Variants in ZNF385D observed in about 807,000 individuals in gnomAD.
The protein encoded by ZNF385D is zinc finger protein 385D.
ZNF385D carries 15 observed loss-of-function variants against 35.8 expected under a neutral mutation model. The ratio of observed to expected loss-of-function variants is 0.42; its 90% CI spans 0.28 to 0.64. The LOEUF (loss-of-function observed/expected upper bound fraction) is 0.64, where lower values mean the gene tolerates loss of function less well. Among genes scored for constraint, ZNF385D ranks in the 30% least tolerant of loss-of-function variants. The pLI, the probability that ZNF385D is intolerant of heterozygous loss-of-function variation, is 0.23. For synonymous variants in ZNF385D, 212 were observed against 186.8 expected (o/e 1.13, Z -1.10); for missense variants, 474 against 494.6 (o/e 0.96, Z 0.39).
intron 3 of ZNF385D, among the ~76,000 whole-genome samples, chr3:21,978,565 C>T (rs957129216): frequency 3.9e-5 from 6 of 152,148 alleles, no homozygotes; most frequent in Non-Finnish European, 5.9e-5. Context: ...CTGAGACATA[C>T]GTTTGTAATC....
intron 2 of ZNF385D, among the ~76,000 whole-genome samples, chr3:22,267,633 T>C (rs575734346): frequency 6.6e-6 from 1 of 152,066 alleles, no homozygotes; most frequent in South Asian, 2.1e-4. Context: ...AACACCATTA[T>C]TTTAATTTTA....
At position 22,242,338 on chromosome 3, in the gene ZNF385D, A is replaced by G. The variant is rs1559474095; in HGVS notation, c.107-73303T>C. Among the ~76,000 whole-genome samples the G allele has an allele frequency of 2.0e-5, 3 of 151,204 alleles. No individual in the cohort carries two copies. The South Asian group carries it at 6.5e-4, about 33-fold the overall frequency. ...ACCATAACAATTTATTCTGCATTGA[A>G]GAGAGTGCTTCTCACTTATCAAAAC... On this transcript the variant is annotated intron_variant, in intron 2 of 5. Coordinates refer to the ZNF385D transcript ENST00000494108.
chr3:21,461,272 C>A (rs1703154710), intron 4 of ZNF385D, among the ~76,000 whole-genome samples: 2 of 152,124 alleles, frequency 1.3e-5, no homozygotes, highest in Admixed American at 6.5e-5. Flanking sequence ...CTCTTTGAGG[C>A]CTGGCACAGT....
chr3:21,539,845 C>G lies in ZNF385D; in HGVS notation c.276+24729G>C, dbSNP rs1031530351. Among the ~76,000 whole-genome samples, 1 of 151,998 alleles carries G rather than the reference C, an allele frequency of 6.6e-6. No homozygotes were observed. The highest frequency in any genetic ancestry group is 6.6e-5 in the Admixed American group (1 of 15,266). ...AAATAAGAAATATTTTTACTACAAA[C>G]ACAGCATAAGAGTAATGCTGATTTT... On this transcript the variant is annotated intron_variant, in intron 3 of 7. Transcript: ENST00000281523. This position sits in a 1 kb window ranked among gnomAD's most constrained non-coding sequence, Gnocchi z 4.0.
chr3:22,111,168 T>G lies in ZNF385D; in HGVS notation c.325+57649A>C, dbSNP rs538156291. Among the ~76,000 whole-genome samples the G allele has an allele frequency of 3.9e-3, 479 of 122,254 alleles. 1 individual carries two copies. Among genetic ancestry groups the G allele is most frequent in the East Asian group, 0.013 (60 of 4,580 alleles). The allele number at this position is 122,254 out of a possible 152,430, so 80.2% of individuals were successfully genotyped here. On this transcript the variant is annotated intron_variant, in intron 3 of 5. Coordinates refer to the ZNF385D transcript ENST00000494108. ...CCATGTTGGATTTTTTTTTTTTTTT[T>G]TTTTTTTTGTTTTTTTTGTACTCTC...
At chr3:21,552,544 C>T (rs1309975874) in intron 3 of ZNF385D, among the ~76,000 whole-genome samples, 1 of 152,080 alleles carries the variant, frequency 6.6e-6, no homozygotes, top group African/African-American at 2.4e-5. Flanking sequence ...AACATTAGAT[C>T]TTCTATTGAA....
At chr3:22,271,679 C>T (rs145197198) in intron 2 of ZNF385D, among the ~76,000 whole-genome samples, 1 of 151,848 alleles carries the variant, frequency 6.6e-6, no homozygotes, top group South Asian at 2.1e-4. Flanking sequence ...GCTTAAAAAA[C>T]TCCCCCCACC....
chr3:22,125,351 T>A (rs1291183551), intron 3 of ZNF385D, among the ~76,000 whole-genome samples: 1 of 152,102 alleles, frequency 6.6e-6, no homozygotes, highest in African/African-American at 2.4e-5. Flanking sequence ...GGTATGTGAT[T>A]CCTTCAGTTT....
At chr3:21,855,700 T>C (rs955137042) in intron 3 of ZNF385D, among the ~76,000 whole-genome samples, 2 of 152,002 alleles carry the variant, frequency 1.3e-5, no homozygotes, top group African/African-American at 4.8e-5. Context: ...TAACTGTTTG[T>C]GCTAAAAGGT....
chr3:21,751,381 A>ACG, upstream of ZNF385D: 1 of 1,019,414 alleles, frequency 9.8e-7, no homozygotes, highest in Non-Finnish European at 1.2e-6. Flanking sequence ...GCTCTCTTAA[A>ACG]GCGAGAAGAG....
intron 3 of ZNF385D, among the ~76,000 whole-genome samples, chr3:22,145,927 A>C (rs184416077): frequency 6.6e-6 from 1 of 152,208 alleles, no homozygotes; most frequent in African/African-American, 2.4e-5. Flanking sequence ...TTCCCAATAA[A>C]ACAGCAATGG....
intron 1 of ZNF385D, among the ~76,000 whole-genome samples, chr3:21,716,221 C>T (rs1408929107): frequency 7.2e-5 from 11 of 151,994 alleles, no homozygotes; most frequent in Non-Finnish European, 2.9e-5. Context: ...TTGTTTCTTC[C>T]CTTGTCCATA....
chr3:21,615,860 G>C (rs1203351317), intron 2 of ZNF385D, among the ~76,000 whole-genome samples: 1 of 150,940 alleles, frequency 6.6e-6, no homozygotes, highest in African/African-American at 2.4e-5. Flanking sequence ...CCATTATTCA[G>C]TGAACGAGGG....
At chr3:21,665,983 A>G (rs1307823697) in intron 1 of ZNF385D, among the ~76,000 whole-genome samples, 2 of 152,238 alleles carry the variant, frequency 1.3e-5, no homozygotes, top group Non-Finnish European at 2.9e-5. Flanking sequence ...CCTGCTGGTG[A>G]GAATCCAACA....
intron 3 of ZNF385D, among the ~76,000 whole-genome samples, chr3:21,835,720 GA>G (rs1434924856): frequency 1.3e-5 from 2 of 151,998 alleles, no homozygotes; most frequent in African/African-American, 2.4e-5. Context: ...TTGTTATGGG[GA>G]AAGATGATAC....
intron 3 of ZNF385D, among the ~76,000 whole-genome samples, chr3:22,007,894 G>C (rs936296655): frequency 6.6e-6 from 1 of 151,182 alleles, no homozygotes; most frequent in Non-Finnish European, 1.5e-5. Flanking sequence ...TTCGTATGTA[G>C]TAAAATTTAT....
chr3:22,033,400 C>T (rs1055561344), intron 3 of ZNF385D, among the ~76,000 whole-genome samples: 4 of 58,998 alleles, frequency 6.8e-5, no homozygotes, highest in Non-Finnish European at 1.3e-4. Flanking sequence ...AGGCTGGCTC[C>T]AAAATAATAA....
At chr3:22,264,441 A>T (rs1360728462) in intron 2 of ZNF385D, among the ~76,000 whole-genome samples, 2 of 152,004 alleles carry the variant, frequency 1.3e-5, no homozygotes, top group Non-Finnish European at 2.9e-5. Flanking sequence ...AAGACTAGGG[A>T]TCTGAATCTA....
chr3:21,601,928 T>G (rs966882862), intron 2 of ZNF385D, among the ~76,000 whole-genome samples: 1 of 152,208 alleles, frequency 6.6e-6, no homozygotes, highest in Admixed American at 6.5e-5. Flanking sequence ...CCATATTTTA[T>G]GTTCAGAGAG....
Sources: allele counts gnomAD v4.1 joint callset (sites outside exome capture counted in the v4.1 genomes callset), GRCh38; gene constraint gnomAD v4.1.1; non-coding constraint Gnocchi (gnomAD v3.1); transcripts MANE v1.5; gene names NCBI Gene and HGNC (gene_info 2026-07-23, HGNC 2026-07-21).